Variants in HECA observed in about 807,000 individuals in gnomAD.
The protein encoded by HECA is HECA ribonucleoprotein granule regulator.
Under a neutral mutation model 37.6 loss-of-function variants are expected in HECA, and 13 were observed. That is an observed-to-expected ratio of 0.35 (90% CI 0.23 to 0.55). HECA has a LOEUF of 0.55. Among genes scored for constraint, HECA ranks in the 20% least tolerant of loss-of-function variants. The probability of loss-of-function intolerance (pLI) is 0.90; values close to 1 mark genes in which losing one functional copy is unlikely to be tolerated. For missense variants in HECA, 527 were observed against 701.9 expected (o/e 0.75, Z 2.82); for synonymous variants, 307 against 291.5 (o/e 1.05, Z -0.54).
intron 1 of HECA, among the ~76,000 whole-genome samples, chr6:139,152,781 A>G (rs1774666888): frequency 6.6e-6 from 1 of 152,190 alleles, no homozygotes; most frequent in Non-Finnish European, 1.5e-5. Flanking sequence ...ATTTGAGGAA[A>G]TTTATATTAA....
At chr6:139,160,435 A>G (rs1774782986) in intron 1 of HECA, among the ~76,000 whole-genome samples, 1 of 152,068 alleles carries the variant, frequency 6.6e-6, no homozygotes, top group Non-Finnish European at 1.5e-5. Context: ...CCTTTGTGGG[A>G]CTGCTGTTCT....
intron 1 of HECA, among the ~76,000 whole-genome samples, chr6:139,147,949 G>A (rs78232326): frequency 2.0e-5 from 3 of 152,266 alleles, no homozygotes; most frequent in East Asian, 3.9e-4. Flanking sequence ...CAGTTCCTTC[G>A]CACTCTGTAA....
rs570041050 is a variant in HECA, at chr6:139,164,297, C to G, written c.272-1987C>G. Reference sequence around the variant, plus strand: ...CACATAATCTAAACTGCTTCATGACCAAGCCCAGTGGTTCCCAATTGGGAG... The same window carrying G: ...CACATAATCTAAACTGCTTCATGACGAAGCCCAGTGGTTCCCAATTGGGAG... On this transcript the variant is annotated intron_variant, in intron 1 of 3. Coordinates refer to ENST00000367658, the MANE Select transcript of HECA (RefSeq NM_016217.3). Among the ~76,000 whole-genome samples, 7 of 152,082 alleles carry G rather than the reference C, an allele frequency of 4.6e-5. No individual in the cohort carries two copies. The South Asian group carries it at 1.5e-3, about 32-fold the overall frequency.
At chr6:139,143,963 G>T (rs554277877) in intron 1 of HECA, among the ~76,000 whole-genome samples, 1 of 152,106 alleles carries the variant, frequency 6.6e-6, no homozygotes, top group African/African-American at 2.4e-5. Flanking sequence ...CAAAATATTG[G>T]GTTAAATATA....
Position 139,179,399 on chromosome 6 carries a change from A to G in HECA, c.*2294A>G, listed in dbSNP as rs1362050056. The G allele has an allele frequency of 6.6e-6, 1 of 152,218 alleles. No individual in the cohort carries two copies. Among genetic ancestry groups the G allele is most frequent in the Non-Finnish European group, 1.5e-5 (1 of 68,032 alleles). 9.4% of individuals were successfully genotyped at this position (152,218 alleles called of 1,614,324 possible). ...AGCTCCTGAATTTAGAACTGCCGTC[A>G]GTGTAGTGTATGCTGTGTTCCATGT... is the stretch of plus-strand genomic sequence containing the variant. On this transcript the variant is annotated 3_prime_UTR_variant, in exon 4 of 4. Coordinates refer to ENST00000367658, the MANE Select transcript of HECA (RefSeq NM_016217.3).
chr6:139,138,434 C>T (rs1310650741), intron 1 of HECA, among the ~76,000 whole-genome samples: 1 of 152,130 alleles, frequency 6.6e-6, no homozygotes, highest in Non-Finnish European at 1.5e-5. Flanking sequence ...AATAGTTTTT[C>T]ACTGTTCAAG....
intron 1 of HECA, among the ~76,000 whole-genome samples, chr6:139,151,715 T>C (rs1450639650): frequency 6.6e-6 from 1 of 152,214 alleles, no homozygotes. Flanking sequence ...CAAAAGTAAT[T>C]TGCGATTTTT....
chr6:139,162,193 A>T (rs1774814619), intron 1 of HECA, among the ~76,000 whole-genome samples: 1 of 152,124 alleles, frequency 6.6e-6, no homozygotes, highest in Non-Finnish European at 1.5e-5. Context: ...GGACTCAAGT[A>T]AGATTGGGGC....
Position 139,148,601 on chromosome 6 carries a change from A to G in HECA, c.271+12934A>G, listed in dbSNP as rs55938831. Among the ~76,000 whole-genome samples, 315 of 152,228 alleles carry G rather than the reference A, an allele frequency of 2.1e-3. 1 individual carries two copies. Among genetic ancestry groups the G allele is most frequent in the African/African-American group, 7.3e-3 (303 of 41,542 alleles). On this transcript the variant is annotated intron_variant, in intron 1 of 3. Coordinates refer to ENST00000367658, the MANE Select transcript of HECA (RefSeq NM_016217.3). Reference sequence around the variant, plus strand: ...CAACATGGTGAAACCCCATGTCACTACTAAAAATGCTAACATTAGCTGGGC... The same window carrying G: ...CAACATGGTGAAACCCCATGTCACTGCTAAAAATGCTAACATTAGCTGGGC...
At position 139,167,153 on chromosome 6, in the gene HECA, C is replaced by A. The variant is rs1468282093; in HGVS notation, c.1141C>A (p.Arg381=). The A allele has an allele frequency of 6.2e-7, 1 of 1,614,142 alleles. No individual in the cohort carries two copies. The highest frequency in any genetic ancestry group is 8.5e-7 in the Non-Finnish European group (1 of 1,180,038). Residue 381 remains arginine (R), a synonymous_variant, in exon 2 of 4, where the codon CGG becomes AGG. Coordinates refer to ENST00000367658, the MANE Select transcript of HECA (RefSeq NM_016217.3). Reference sequence around the variant, plus strand: ...CCAAGTGGGCCAGGGGGAAGACTTGCGGAAGTTCATTCTGGCCGCGCTCAG... The same window carrying A: ...CCAAGTGGGCCAGGGGGAAGACTTGAGGAAGTTCATTCTGGCCGCGCTCAG... The part of the protein sequence containing the change: ...DAQVGQGEDL[R]KFILAALSAS...
intron 2 of HECA, among the ~76,000 whole-genome samples, chr6:139,168,045 G>A (rs1774917896): frequency 6.6e-6 from 1 of 152,200 alleles, no homozygotes; most frequent in Non-Finnish European, 1.5e-5. Flanking sequence ...TAAAAAGCTT[G>A]TTGTGAAAAT....
At chr6:139,158,670 C>CAAAAAAAAAAAAAAAAAA (rs4052916) in intron 1 of HECA, among the ~76,000 whole-genome samples, 1 of 123,164 alleles carries the variant, frequency 8.1e-6, no homozygotes. Context: ...GACCCTGTCT[C>CAAAAAAAAAAAAAAAAAA]AAAAAAAAAA....
chr6:139,147,315 C>T (rs1441033762), intron 1 of HECA, among the ~76,000 whole-genome samples: 3 of 152,110 alleles, frequency 2.0e-5, no homozygotes, highest in Non-Finnish European at 4.4e-5. Context: ...TGAATAAGGA[C>T]ATTTACATTA....
intron 1 of HECA, among the ~76,000 whole-genome samples, chr6:139,140,751 A>G (rs116799703): frequency 0.023 from 3,516 of 152,312 alleles, 149 homozygotes; most frequent in African/African-American, 0.081. Context: ...GATTCTTTAC[A>G]GAAAAAAATC....
chr6:139,139,500 C>T (rs557046431), intron 1 of HECA, among the ~76,000 whole-genome samples: 3 of 152,316 alleles, frequency 2.0e-5, no homozygotes, highest in Non-Finnish European at 1.5e-5. Context: ...CAGAGATACA[C>T]GTGCTGGAGG....
chr6:139,166,875 C>T lies in HECA; in HGVS notation c.863C>T (p.Pro288Leu). 1 of 1,613,996 alleles carries T rather than the reference C, an allele frequency of 6.2e-7. No homozygotes were observed. Among genetic ancestry groups the T allele is most frequent in the Non-Finnish European group, 8.5e-7 (1 of 1,179,980 alleles). ...SILSPAHFSGPRSSRYLGEFL... is the reference protein window; with the variant it reads ...SILSPAHFSGLRSSRYLGEFL... ...CTCTCTCCTGCCCACTTCAGCGGCC[C>T]CCGCTCCTCCAGATACCTCGGGGAG... Residue 288 changes from proline (P) to leucine (L), a missense_variant, in exon 2 of 4, where the codon CCC becomes CTC. Transcript: ENST00000367658.
At chr6:139,168,937 A>G (rs1036616047) in intron 2 of HECA, among the ~76,000 whole-genome samples, 1 of 152,078 alleles carries the variant, frequency 6.6e-6, no homozygotes, top group African/African-American at 2.4e-5. Flanking sequence ...GAGAGGTCTG[A>G]TGTTACTCTT....
In HECA at chr6:139,162,734, CCCTCTGCTG is replaced by C. The variant is rs1774823441; in HGVS notation, c.272-3549_272-3541del. On this transcript the variant is annotated intron_variant, in intron 1 of 3. Transcript: ENST00000367658. Reference sequence around the variant, plus strand: ...GCTTTATGGGTCCACATTGCCACCACCCTCTGCTGATTGATTTGGTGGAATGTTGTGTCT... The same window carrying C: ...GCTTTATGGGTCCACATTGCCACCACATTGATTTGGTGGAATGTTGTGTCT... 2.0e-5 allele frequency among the ~76,000 whole-genome samples: 3 copies of C among 152,310 alleles called. No homozygotes were observed. In the East Asian group the frequency reaches 5.8e-4, roughly 29 times the overall value.
At chr6:139,173,030 A>T (rs1032026709) in intron 2 of HECA, among the ~76,000 whole-genome samples, 17 of 152,196 alleles carry the variant, frequency 1.1e-4, no homozygotes, top group Non-Finnish European at 4.4e-5. Context: ...AATGTTTGGG[A>T]ATTGCATTGA....
Sources: allele counts gnomAD v4.1 joint callset (sites outside exome capture counted in the v4.1 genomes callset), GRCh38; gene constraint gnomAD v4.1.1; transcripts MANE v1.5; gene names NCBI Gene and HGNC (gene_info 2026-07-23, HGNC 2026-07-21).